PRELID2: variants seen among roughly 807,000 people sequenced by gnomAD.
PRELID2 encodes PRELI domain containing 2, also known as PRELI domain-containing protein 2.
A neutral mutation model predicts 28.4 loss-of-function variants in PRELID2; 25 were observed. The ratio of observed to expected loss-of-function variants is 0.88; its 90% CI spans 0.64 to 1.23. PRELID2 has a LOEUF of 1.23. Among genes scored for constraint, PRELID2 ranks in the 50% most tolerant of loss-of-function variants. The pLI, the probability that PRELID2 is intolerant of heterozygous loss-of-function variation, is 0.00. For synonymous variants in PRELID2, 76 were observed against 71.6 expected (o/e 1.06, Z -0.31); for missense variants, 201 against 214.4 (o/e 0.94, Z 0.39).
At position 145,514,805 on chromosome 5, in the gene PRELID2, A is replaced by T. The variant is rs114848083; in HGVS notation, n.71-41490T>A. ...GAAAGAAAAGGAAATCATAACAAAC[A>T]GTCTTAGACCACAGTGCAATCAAAT... On this transcript the variant is annotated intron_variant and non_coding_transcript_variant, in intron 1 of 2. Transcript: ENST00000510259. Among the ~76,000 whole-genome samples, 1,147 of 152,292 alleles carry T rather than the reference A, an allele frequency of 7.5e-3. 11 individuals carry two copies. The highest frequency in any genetic ancestry group is 0.026 in the African/African-American group (1,088 of 41,566).
the PRELID2 span, among the ~76,000 whole-genome samples, chr5:145,378,434 A>G: frequency 2.0e-5 from 3 of 152,134 alleles, no homozygotes; most frequent in Non-Finnish European, 4.4e-5. Flanking sequence ...TGAATCATAG[A>G]TTTGGTATCT....
At chr5:145,657,721 AG>A (rs2149675185) in intron 1 of PRELID2, among the ~76,000 whole-genome samples, 1 of 152,266 alleles carries the variant, frequency 6.6e-6, no homozygotes, top group South Asian at 2.1e-4. Flanking sequence ...TGAGCCCTTA[AG>A]TGCTAACGAA....
intron 1 of PRELID2, among the ~76,000 whole-genome samples, chr5:145,834,282 T>C (rs144886670): frequency 5.8e-4 from 88 of 152,296 alleles, no homozygotes; most frequent in African/African-American, 2.1e-3. Flanking sequence ...TATAGGACTT[T>C]AGTGGTCCCC....
the PRELID2 span, among the ~76,000 whole-genome samples, chr5:145,296,045 T>G: frequency 1.3e-5 from 2 of 152,088 alleles, no homozygotes; most frequent in Non-Finnish European, 2.9e-5. Context: ...TGATTAATTT[T>G]GTGAGGCCAA....
chr5:145,799,452 A>G (rs1023861157), intron 4 of PRELID2, among the ~76,000 whole-genome samples: 2 of 152,116 alleles, frequency 1.3e-5, no homozygotes, highest in East Asian at 3.9e-4. Flanking sequence ...AGAGGCCCAC[A>G]GAGAAGGAGA....
chr5:145,499,032 G>A (rs1157093840), intron 1 of PRELID2, among the ~76,000 whole-genome samples: 1 of 151,920 alleles, frequency 6.6e-6, no homozygotes, highest in African/African-American at 2.4e-5. Flanking sequence ...ATATTATATA[G>A]AGGCCAGGAG....
At chr5:145,678,091 G>T (rs1045948265) in intron 1 of PRELID2, among the ~76,000 whole-genome samples, 2 of 152,188 alleles carry the variant, frequency 1.3e-5, no homozygotes, top group African/African-American at 4.8e-5. Context: ...TGTGTAAAGA[G>T]GACTAATGAA....
At chr5:145,406,187 C>T in the PRELID2 span, among the ~76,000 whole-genome samples, 3 of 152,144 alleles carry the variant, frequency 2.0e-5, no homozygotes, top group African/African-American at 7.2e-5. Flanking sequence ...GGGGGGGAAA[C>T]AGATCCAAAC....
chr5:145,672,065 TC>T (rs1754717646), intron 1 of PRELID2, among the ~76,000 whole-genome samples: 1 of 152,160 alleles, frequency 6.6e-6, no homozygotes, highest in Non-Finnish European at 1.5e-5. Flanking sequence ...TTTTCTTTCT[TC>T]TCCACTTCCT....
chr5:145,326,861 T>C, the PRELID2 span, among the ~76,000 whole-genome samples: 1 of 152,222 alleles, frequency 6.6e-6, no homozygotes, highest in South Asian at 2.1e-4. Flanking sequence ...GCATTAGAGT[T>C]TTAAAAATTA....
At chr5:145,470,684 T>G (rs768583937), downstream of PRELID2, among the ~76,000 whole-genome samples, 34 of 152,210 alleles carry the variant, frequency 2.2e-4, no homozygotes, top group Admixed American at 1.1e-3. Flanking sequence ...CTTAGCATGA[T>G]ATGAATGACA....
chr5:145,541,678 A>T (rs1247528506), intron 1 of PRELID2, among the ~76,000 whole-genome samples: 1 of 152,072 alleles, frequency 6.6e-6, no homozygotes, highest in Non-Finnish European at 1.5e-5. Context: ...AGGTAGTTTA[A>T]TTGGGGGAGA....
chr5:145,785,724 G>C (rs1751950542), intron 5 of PRELID2, among the ~76,000 whole-genome samples: 1 of 152,314 alleles, frequency 6.6e-6, no homozygotes, highest in Admixed American at 6.5e-5. Context: ...TCAATGAATG[G>C]AACTTAAGAT....
chr5:145,597,894 T>C (rs1241770796), intron 1 of PRELID2, among the ~76,000 whole-genome samples: 1 of 152,070 alleles, frequency 6.6e-6, no homozygotes, highest in Non-Finnish European at 1.5e-5. Context: ...CAGAAGTGTC[T>C]ATACATGGAG....
chr5:145,381,469 C>T, the PRELID2 span: 1,240 of 152,214 alleles, frequency 8.1e-3, 14 homozygotes, highest in African/African-American at 0.029. Context: ...CTAAAACAAA[C>T]TTTAATTCTC....
the PRELID2 span, among the ~76,000 whole-genome samples, chr5:145,394,835 T>C: frequency 6.6e-6 from 1 of 152,134 alleles, no homozygotes; most frequent in African/African-American, 2.4e-5. Context: ...CGTTTATCAG[T>C]TGTGAATTTG....
Position 145,760,454 on chromosome 5 carries a change from T to C in PRELID2, c.*82A>G, listed in dbSNP as rs1351326536. The C allele has an allele frequency of 6.6e-6, 1 of 152,036 alleles. No homozygotes were observed. Among genetic ancestry groups the C allele is most frequent in the Non-Finnish European group, 1.5e-5 (1 of 68,000 alleles). 9.4% of individuals were successfully genotyped at this position (152,036 alleles called of 1,614,324 possible). ...TGTATTCCAGAAACTGTGTCTGTGA[T>C]GTGCTGTGGCCAAGAAGTGATTCTC... On this transcript the variant is annotated 3_prime_UTR_variant, in exon 7 of 7. Transcript: ENST00000683046.
chr5:145,371,904 C>T, the PRELID2 span, among the ~76,000 whole-genome samples: 3 of 146,082 alleles, frequency 2.1e-5, no homozygotes. Context: ...AAAAAAACAG[C>T]TCCTGGATTC....
the PRELID2 span, among the ~76,000 whole-genome samples, chr5:145,268,172 G>T: frequency 2.4e-4 from 36 of 152,162 alleles, no homozygotes; most frequent in Non-Finnish European, 4.4e-4. Flanking sequence ...TTTGTTCTTT[G>T]GTTGCCTGTA....
Sources: gnomAD v4.1 joint callset for allele counts (sites outside exome capture counted in the v4.1 genomes callset) on GRCh38, gnomAD v4.1.1 for gene constraint, MANE v1.5 for transcripts, NCBI Gene and HGNC (gene_info 2026-07-23, HGNC 2026-07-21) for gene names.